Variants in SRPK2 observed in about 807,000 individuals in gnomAD.
The protein encoded by SRPK2 is SRSF protein kinase 2.
A neutral mutation model predicts 90.8 loss-of-function variants in SRPK2; 21 were observed. That is an observed-to-expected ratio of 0.23 (90% CI 0.16 to 0.33). The LOEUF is 0.33. Ranked by LOEUF, SRPK2 falls within the 10% of genes least tolerant of loss-of-function variation. SRPK2 has a pLI of 1.00. For synonymous variants in SRPK2, 288 were observed against 311.1 expected (o/e 0.93, Z 0.78); for missense variants, 620 against 869.0 (o/e 0.71, Z 3.60).
At position 105,175,815 on chromosome 7, in the gene SRPK2, G is replaced by GA. The variant is rs142002701; in HGVS notation, c.230-6551dup. 7.7e-3 allele frequency among the ~76,000 whole-genome samples: 1,159 copies of GA among 149,596 alleles called. 17 individuals carry two copies. Among genetic ancestry groups the GA allele is most frequent in the African/African-American group, 0.026 (1,067 of 40,760 alleles). ...TCACAAACCACTCAAGGTCCAAACAGAAAAAAAAATCTGAAAAACCATGTA... is the reference window on the plus strand; with the variant it reads ...TCACAAACCACTCAAGGTCCAAACAGAAAAAAAAAATCTGAAAAACCATGTA... On this transcript the variant is annotated intron_variant, in intron 3 of 15. Transcript: ENST00000393651.
chr7:105,306,484 CA>C lies in SRPK2; in HGVS notation c.71+82163del, dbSNP rs376513804. Reference sequence around the variant, plus strand: ...CTTCTTGGTCAATACTTGAACCAGGCAAAAAAAAAACCAACACTTCCTTTGA... The same window carrying C: ...CTTCTTGGTCAATACTTGAACCAGGCAAAAAAAAACCAACACTTCCTTTGA... On this transcript the variant is annotated intron_variant, in intron 2 of 15. Coordinates refer to ENST00000393651, the MANE Select transcript of SRPK2 (RefSeq NM_182692.3). The C allele has an allele frequency of 7.1e-3, 2,792 of 391,050 alleles. 39 individuals are homozygous for C. The highest frequency in any genetic ancestry group is 0.064 in the East Asian group (805 of 12,652). The allele number at this position is 391,050 out of a possible 1,614,324, so 24.2% of individuals were successfully genotyped here. A position where few individuals can be genotyped will look rare whatever the true frequency, so the allele number is the denominator to read the frequency against.
intron 2 of SRPK2, among the ~76,000 whole-genome samples, chr7:105,302,369 TG>T (rs1350130373): frequency 9.2e-5 from 14 of 152,306 alleles, no homozygotes; most frequent in African/African-American, 3.4e-4. Flanking sequence ...TAAGAATCAG[TG>T]TTAATTTATA....
chr7:105,197,904 C>G (rs948836288), intron 3 of SRPK2, among the ~76,000 whole-genome samples: 3 of 152,194 alleles, frequency 2.0e-5, no homozygotes, highest in African/African-American at 7.2e-5. Flanking sequence ...AGCAACAAAA[C>G]TCATGTCTGA....
chr7:105,151,420 G>A (rs532140409), intron 7 of SRPK2, among the ~76,000 whole-genome samples: 23 of 152,140 alleles, frequency 1.5e-4, no homozygotes, highest in East Asian at 9.6e-4. Context: ...AATAATCTAC[G>A]GAAAACTCAC....
intron 2 of SRPK2, among the ~76,000 whole-genome samples, chr7:105,286,305 GC>G (rs1411862446): frequency 6.6e-6 from 1 of 152,178 alleles, no homozygotes; most frequent in South Asian, 2.1e-4. Context: ...TAATCTTGCT[GC>G]TCCATCCCTC....
intron 7 of SRPK2, among the ~76,000 whole-genome samples, chr7:105,157,431 G>C (rs951004894): frequency 1.3e-5 from 2 of 152,166 alleles, no homozygotes; most frequent in African/African-American, 4.8e-5. Context: ...CCGGGAGAAA[G>C]AAATACTGAA....
intron 2 of SRPK2, among the ~76,000 whole-genome samples, chr7:105,277,026 A>G (rs938703085): frequency 6.6e-5 from 10 of 151,760 alleles, no homozygotes; most frequent in Non-Finnish European, 1.5e-4. Context: ...TACACATTCT[A>G]CTGCCTCAGG....
At chr7:105,331,330 A>AAAC (rs1563248671) in intron 2 of SRPK2, among the ~76,000 whole-genome samples, 3 of 144,900 alleles carry the variant, frequency 2.1e-5, no homozygotes, top group Non-Finnish European at 4.5e-5. Flanking sequence ...AAAAAAAAAA[A>AAAC]AAAAAAACAA....
At chr7:105,352,756 C>T in intron 2 of SRPK2, among the ~76,000 whole-genome samples, 1 of 152,128 alleles carries the variant, frequency 6.6e-6, no homozygotes, top group Non-Finnish European at 1.5e-5. Flanking sequence ...CAAAAATTAG[C>T]TGGCTGTGGT....
intron 2 of SRPK2, among the ~76,000 whole-genome samples, chr7:105,317,140 T>C (rs1052386121): frequency 6.6e-6 from 1 of 152,214 alleles, no homozygotes; most frequent in Non-Finnish European, 1.5e-5. Flanking sequence ...ATTTCCATAA[T>C]GATTCAAGAC....
intron 3 of SRPK2, among the ~76,000 whole-genome samples, chr7:105,197,951 A>G (rs1248207438): frequency 6.6e-6 from 1 of 152,230 alleles, no homozygotes; most frequent in Non-Finnish European, 1.5e-5. Flanking sequence ...TTGCAAGGCA[A>G]TGTTCCTACA....
chr7:105,331,791 C>CTTA (rs1814447279), intron 2 of SRPK2, among the ~76,000 whole-genome samples: 1 of 152,118 alleles, frequency 6.6e-6, no homozygotes, highest in African/African-American at 2.4e-5. Context: ...GGAACACGAA[C>CTTA]TTAGGAGGGA....
At chr7:105,333,777 C>T (rs1814724742) in intron 2 of SRPK2, among the ~76,000 whole-genome samples, 1 of 152,144 alleles carries the variant, frequency 6.6e-6, no homozygotes, top group African/African-American at 2.4e-5. Flanking sequence ...GTACCATTTA[C>T]CAAACATTCT....
intron 7 of SRPK2, among the ~76,000 whole-genome samples, chr7:105,156,538 T>C (rs540956098): frequency 6.6e-6 from 1 of 152,284 alleles, no homozygotes; most frequent in African/African-American, 2.4e-5. Flanking sequence ...TCTTGTTCTG[T>C]CACACAGGCT....
Position 105,309,194 on chromosome 7 carries a change from C to T in SRPK2, c.71+79454G>A, listed in dbSNP as rs140869979. Among the ~76,000 whole-genome samples, 648 of 151,390 alleles carry T rather than the reference C, an allele frequency of 4.3e-3. 5 individuals are homozygous for T. The highest frequency in any genetic ancestry group is 0.015 in the African/African-American group (618 of 41,224). ...TTTAATTTCAAAAAGGAATTAAAAA[C>T]TTCTTCAGGCAAGTCTATAAATATT... On this transcript the variant is annotated intron_variant, in intron 2 of 15. Transcript: ENST00000393651.
intron 2 of SRPK2, among the ~76,000 whole-genome samples, chr7:105,342,785 A>C (rs768226627): frequency 2.0e-5 from 3 of 152,156 alleles, no homozygotes; most frequent in Non-Finnish European, 4.4e-5. Flanking sequence ...TATGGATTTG[A>C]CCTGGATAGG....
At chr7:105,327,067 C>CA (rs11350866) in intron 2 of SRPK2, among the ~76,000 whole-genome samples, 23,193 of 123,152 alleles carry the variant, frequency 0.19, 2,417 homozygotes, top group East Asian at 0.57. Flanking sequence ...AACTCCGTAT[C>CA]AAAAAAAAAA....
intron 3 of SRPK2, among the ~76,000 whole-genome samples, chr7:105,186,147 T>C (rs1417201842): frequency 6.6e-6 from 1 of 152,216 alleles, no homozygotes; most frequent in African/African-American, 2.4e-5. Context: ...CTATGAATGT[T>C]GTATCATTTG....
intron 2 of SRPK2, among the ~76,000 whole-genome samples, chr7:105,293,387 AG>A (rs1162973269): frequency 2.0e-5 from 3 of 152,226 alleles, no homozygotes; most frequent in African/African-American, 7.2e-5. Flanking sequence ...GAATTTGGCA[AG>A]ATGTTACATA....
Sources: allele counts gnomAD v4.1 joint callset (sites outside exome capture counted in the v4.1 genomes callset), GRCh38; gene constraint gnomAD v4.1.1; transcripts MANE v1.5; gene names NCBI Gene and HGNC (gene_info 2026-07-23, HGNC 2026-07-21).